Variants in MEG3 observed in about 807,000 individuals in gnomAD.
MEG3 encodes maternally expressed 3.
intron 1 of MEG3, chr14:100,860,544 C>T: frequency 2.4e-6 from 1 of 423,632 alleles, no homozygotes; most frequent in South Asian, 1.8e-5. Flanking sequence ...TGGGTGCTCC[C>T]CTCACCCTCC....
downstream of MEG3, chr14:100,829,582 A>C (rs1006451105): frequency 6.6e-6 from 1 of 152,236 alleles, no homozygotes; most frequent in Non-Finnish European, 1.5e-5. Flanking sequence ...TAAATGAGAT[A>C]AAAGAGGCCT....
At chr14:100,827,204 C>A (rs1309830675) in intron 1 of MEG3, among the ~76,000 whole-genome samples, 1 of 152,260 alleles carries the variant, frequency 6.6e-6, no homozygotes, top group East Asian at 2.0e-4. Context: ...GTCAAGCCCC[C>A]CCAGGCCGCC....
chr14:100,836,383 A>G, intron 2 of MEG3: 1 of 436,374 alleles, frequency 2.3e-6, no homozygotes, highest in Non-Finnish European at 4.5e-6. Flanking sequence ...GAGTGTCAAC[A>G]TTTAATTTGG....
chr14:100,856,390 G>A (rs928390873), upstream of MEG3: 2 of 152,692 alleles, frequency 1.3e-5, no homozygotes, highest in African/African-American at 4.8e-5. Flanking sequence ...GCAAAGCCAA[G>A]ACCCTGGAAC....
At chr14:100,852,654 G>A (rs2038117762), upstream of MEG3, 1 of 293,452 alleles carries the variant, frequency 3.4e-6, no homozygotes, top group South Asian at 2.8e-5. Context: ...AGACCGGGAG[G>A]GTCTTTCAAA....
downstream of MEG3, chr14:100,829,824 G>A (rs2037347921): frequency 6.6e-6 from 1 of 152,184 alleles, no homozygotes; most frequent in South Asian, 2.1e-4. Flanking sequence ...CATTTCCAGA[G>A]CACTTTCTAT....
At chr14:100,826,904 T>TAGCC (rs1020264589) in intron 1 of MEG3, among the ~76,000 whole-genome samples, 1 of 151,858 alleles carries the variant, frequency 6.6e-6, no homozygotes, top group African/African-American at 2.4e-5. Context: ...AACCTGCCAG[T>TAGCC]AGCCCCCTAG....
At position 100,845,343 on chromosome 14, in the gene MEG3, C is replaced by T. The variant is rs2037885920; in HGVS notation, n.3046-115C>T. ...CCACACTTGCTGGAGGTTGGGGAGT[C>T]TCTGCTCCAGGCCACCCCTGCCCGC... On this transcript the variant is annotated intron_variant and non_coding_transcript_variant, in intron 2 of 3. Transcript: ENST00000398461. This position sits in a 1 kb window ranked among gnomAD's most constrained non-coding sequence, Gnocchi z 5.2. 2.8e-6 allele frequency: 1 copy of T among 361,336 alleles called. No individual in the cohort carries two copies. The highest frequency in any genetic ancestry group is 3.6e-5 in the Admixed American group (1 of 28,088). 22.4% of individuals were successfully genotyped at this position (361,336 alleles called of 1,614,324 possible). A position where few individuals can be genotyped will look rare whatever the true frequency, so the allele number is the denominator to read the frequency against.
chr14:100,835,500 C>T (rs4906021), exon 1 of MEG3: 12,782 of 153,222 alleles, frequency 0.083, 683 homozygotes, highest in Middle Eastern at 0.12. Context: ...GGCTCTCCAG[C>T]GGCCAGCTTC....
intron 3 of MEG3, chr14:100,846,020 A>C (rs1402224113): frequency 6.6e-6 from 1 of 152,438 alleles, no homozygotes; most frequent in African/African-American, 2.4e-5. Flanking sequence ...GGAAAACATA[A>C]TGGGCAGATT....
chr14:100,838,154 G>C (rs1031472409), intron 2 of MEG3, among the ~76,000 whole-genome samples: 19 of 152,136 alleles, frequency 1.2e-4, no homozygotes, highest in Non-Finnish European at 5.9e-5. Flanking sequence ...CTCAGCTCTT[G>C]GACTGGTTTC....
chr14:100,838,134 G>C (rs965586541), intron 2 of MEG3, among the ~76,000 whole-genome samples: 1 of 152,132 alleles, frequency 6.6e-6, no homozygotes, highest in Non-Finnish European at 1.5e-5. Flanking sequence ...ACTGGTCTGA[G>C]CCAGATGCCC....
chr14:100,851,835 C>T (rs764786473), intron 3 of MEG3: 4 of 154,586 alleles, frequency 2.6e-5, no homozygotes, highest in South Asian at 4.0e-4. Flanking sequence ...GAGAGTTGCT[C>T]GTGCTGACAG....
At chr14:100,856,991 C>G (rs139360272), upstream of MEG3, 1 of 152,276 alleles carries the variant, frequency 6.6e-6, no homozygotes, top group African/African-American at 2.4e-5. Context: ...GGGTGCCCAA[C>G]ACAGTGCCTG....
intron 3 of MEG3, chr14:100,846,197 C>G (rs137947260): frequency 6.6e-6 from 1 of 152,222 alleles, no homozygotes; most frequent in South Asian, 2.1e-4. Context: ...ACTCCATGTC[C>G]GTCGTTTCCC....
At position 100,837,297 on chromosome 14, in the gene MEG3, C is replaced by T. The variant is rs966091576; in HGVS notation, n.3045+997C>T. On this transcript the variant is annotated intron_variant and non_coding_transcript_variant, in intron 2 of 3. Coordinates refer to the MEG3 transcript ENST00000398461. The surrounding 1 kb of genome is among the most constrained non-coding windows in gnomAD (Gnocchi z 5.8). ...GACTGAGTCTGTGGCTCACTCAGGG[C>T]GATGGGGTGTTTTTAGAGCCACTGC... Among the ~76,000 whole-genome samples the T allele has an allele frequency of 4.6e-5, 7 of 152,150 alleles. No individual in the cohort carries two copies. The highest frequency in any genetic ancestry group is 1.9e-4 in the East Asian group (1 of 5,176).
At position 100,843,216 on chromosome 14, in the gene MEG3, C is replaced by A. The variant is rs183740203; in HGVS notation, n.3046-2242C>A. The stretch of plus-strand genomic sequence containing the variant: ...AGATGCTCCTTCCTGCTTCTGATTT[C>A]TCCGCTCCTATTAAAAACACAAAAA... On this transcript the variant is annotated intron_variant and non_coding_transcript_variant, in intron 2 of 3. Transcript: ENST00000398461. Among the ~76,000 whole-genome samples, 23 of 152,336 alleles carry A rather than the reference C, an allele frequency of 1.5e-4. No homozygotes were observed. The East Asian group carries it at 4.0e-3, about 27-fold the overall frequency.
At chr14:100,828,552 C>A (rs1194442863) in intron 1 of MEG3, among the ~76,000 whole-genome samples, 1 of 128,996 alleles carries the variant, frequency 7.8e-6, no homozygotes, top group African/African-American at 2.9e-5. Context: ...CTCCCTCTTC[C>A]CTCCCAGCCC....
intron 3 of MEG3, chr14:100,846,684 G>GCA (rs2037926851): frequency 6.6e-6 from 1 of 152,234 alleles, no homozygotes; most frequent in Non-Finnish European, 1.5e-5. Context: ...AAGCCAGGAT[G>GCA]AGAGTGTGTG....
Sources: allele counts gnomAD v4.1 joint callset (sites outside exome capture counted in the v4.1 genomes callset), GRCh38; gene constraint gnomAD v4.1.1; non-coding constraint Gnocchi (gnomAD v3.1); transcripts MANE v1.5; gene names NCBI Gene and HGNC (gene_info 2026-07-23, HGNC 2026-07-21).